Variants in PDE7B observed in about 807,000 individuals in gnomAD.
The protein encoded by PDE7B is 3',5'-cyclic-AMP phosphodiesterase 7B.
PDE7B carries 29 observed loss-of-function variants against 56.2 expected under a neutral mutation model. The ratio of observed to expected loss-of-function variants is 0.52; its 90% CI spans 0.38 to 0.70. The LOEUF (loss-of-function observed/expected upper bound fraction) is 0.70, where lower values mean the gene tolerates loss of function less well. Among genes scored for constraint, PDE7B ranks in the 30% least tolerant of loss-of-function variants. The pLI, the probability that PDE7B is intolerant of heterozygous loss-of-function variation, is 0.00. For synonymous variants in PDE7B, 197 were observed against 196.9 expected, an observed-to-expected ratio of 1.00 and a Z score of 0.00; for missense variants, 490 against 565.0, an observed-to-expected ratio of 0.87 and a Z score of 1.35.
intron 2 of PDE7B, among the ~76,000 whole-genome samples, chr6:136,005,100 G>A (rs1235813850): frequency 2.8e-4 from 42 of 152,192 alleles, no homozygotes; most frequent in African/African-American, 9.4e-4. Context: ...ACAAGCAATG[G>A]GTAAAGGATT....
rs1332230988 is a variant in PDE7B at position 136,195,416 on chromosome 6, C to T, written c.*3576C>T. ...TCATGCTTTGTTCTTTTAAACAAAT[C>T]CTTTAAACTGTGTCATTTTGTATAC... On this transcript the variant is annotated 3_prime_UTR_variant, in exon 13 of 13. Coordinates refer to ENST00000308191, the MANE Select transcript of PDE7B (RefSeq NM_018945.4). 2.1e-5 allele frequency: 3 copies of T among 140,552 alleles called. No homozygotes were observed. Among genetic ancestry groups the T allele is most frequent in the African/African-American group, 8.5e-5 (3 of 35,478 alleles). 8.7% of individuals were successfully genotyped at this position (140,552 alleles called of 1,614,324 possible).
Position 136,155,628 on chromosome 6 carries a change from T to C in PDE7B, c.581T>C (p.Leu194Pro). Residue 194 changes from leucine (L) to proline (P), a missense_variant and splice_region_variant, in exon 8 of 13, where the codon CTT becomes CCT. Physicochemically the swap from Leu to Pro is moderately conservative, Grantham distance 98. Coordinates refer to ENST00000308191, the MANE Select transcript of PDE7B (RefSeq NM_018945.4). ...AMHCYLKEPK[L>P]ASFLTPLDIM... ...TCTCCCAATTTGTTTTTTTAACAGC[T>C]TGCCAGCTTCCTCACGCCTCTGGAC... 6.2e-7 allele frequency: 1 copy of C among 1,602,094 alleles called. No homozygotes were observed. Among genetic ancestry groups the C allele is most frequent in the Non-Finnish European group, 8.5e-7 (1 of 1,173,296 alleles).
At chr6:136,036,204 G>A (rs571190848) in intron 2 of PDE7B, among the ~76,000 whole-genome samples, 1 of 152,332 alleles carries the variant, frequency 6.6e-6, no homozygotes, top group South Asian at 2.1e-4. Context: ...AGTGGTGGAA[G>A]TGTTGAACTG....
chr6:135,981,797 C>G (rs6925701), intron 2 of PDE7B, among the ~76,000 whole-genome samples: 1,615 of 151,032 alleles, frequency 0.011, 29 homozygotes, highest in African/African-American at 0.037. Context: ...GGAGTATACT[C>G]TAAAATAAAG....
chr6:136,009,001 T>C (rs2128206945), intron 2 of PDE7B, among the ~76,000 whole-genome samples: 1 of 151,386 alleles, frequency 6.6e-6, no homozygotes, highest in African/African-American at 2.4e-5. Flanking sequence ...CATCTTGAAT[T>C]AATTTTTATA....
intron 1 of PDE7B, among the ~76,000 whole-genome samples, chr6:135,935,831 G>A (rs923028479): frequency 1.3e-5 from 2 of 152,160 alleles, no homozygotes; most frequent in Admixed American, 6.5e-5. Context: ...TCCATTGATT[G>A]CCAGTAGAAT....
chr6:135,965,421 G>A (rs1478944438), intron 2 of PDE7B, among the ~76,000 whole-genome samples: 4 of 152,192 alleles, frequency 2.6e-5, no homozygotes, highest in Admixed American at 2.6e-4. Context: ...AAAGGAACAA[G>A]TGTGGCTAAA....
Position 135,941,266 on chromosome 6 carries a change from C to A in PDE7B, c.22-6198C>A, listed in dbSNP as rs201606033. On this transcript the variant is annotated intron_variant, in intron 1 of 12. Transcript: ENST00000308191. ...ACTTAGGTTTGATTTTTTTTTTCCC[C>A]AAAAAATGACTCTAGTCATATGTCA... Among the ~76,000 whole-genome samples, 95 of 151,670 alleles carry A rather than the reference C, an allele frequency of 6.3e-4. 1 individual carries two copies. Among genetic ancestry groups the A allele is most frequent in the African/African-American group, 1.8e-3 (76 of 41,410 alleles).
chr6:135,972,233 C>CAAAAAAAAAAAAAAAAAA (rs72005772), intron 2 of PDE7B, among the ~76,000 whole-genome samples: 1 of 65,168 alleles, frequency 1.5e-5, no homozygotes, highest in Non-Finnish European at 2.7e-5. Context: ...AAACTGTTCT[C>CAAAAAAAAAAAAAAAAAA]AAAAAAAAAA....
intron 2 of PDE7B, among the ~76,000 whole-genome samples, chr6:136,025,577 C>T (rs1262043109): frequency 5.3e-5 from 8 of 152,174 alleles, no homozygotes; most frequent in Non-Finnish European, 8.8e-5. Context: ...GGATATTACA[C>T]GGGAACCTAG....
chr6:136,075,298 T>G (rs1425066535), intron 2 of PDE7B, among the ~76,000 whole-genome samples: 6 of 152,202 alleles, frequency 3.9e-5, no homozygotes, highest in Admixed American at 3.9e-4. Context: ...AAATTATTAC[T>G]AATGTACTAA....
chr6:135,874,044 G>A (rs1165537137), intron 1 of PDE7B, among the ~76,000 whole-genome samples: 1 of 152,168 alleles, frequency 6.6e-6, no homozygotes, highest in Admixed American at 6.6e-5. Context: ...CAGAGAAAAT[G>A]CTAGGGAATG....
chr6:136,141,010 G>A (rs1778315333), intron 3 of PDE7B, among the ~76,000 whole-genome samples: 1 of 152,142 alleles, frequency 6.6e-6, no homozygotes, highest in African/African-American at 2.4e-5. Flanking sequence ...ATGTTGAATA[G>A]GAGTGGTGAG....
intron 2 of PDE7B, among the ~76,000 whole-genome samples, chr6:136,017,657 CT>C (rs1385794232): frequency 1.3e-5 from 2 of 152,022 alleles, no homozygotes; most frequent in Non-Finnish European, 2.9e-5. Context: ...ACCACGTAAA[CT>C]TTAAACTCTG....
intron 2 of PDE7B, among the ~76,000 whole-genome samples, chr6:136,046,643 G>A (rs1002735992): frequency 6.6e-6 from 1 of 152,148 alleles, no homozygotes; most frequent in African/African-American, 2.4e-5. Context: ...ATTCCCCAGG[G>A]TATCAGGAGT....
intron 1 of PDE7B, among the ~76,000 whole-genome samples, chr6:135,943,675 C>T (rs1191341680): frequency 1.3e-5 from 2 of 152,166 alleles, no homozygotes; most frequent in Non-Finnish European, 2.9e-5. Context: ...CAAGGCTTAG[C>T]CCATAATGTG....
rs949550032 is a variant in PDE7B at position 136,191,458 on chromosome 6, G to C, written c.1127-156G>C. 4.6e-6 allele frequency: 3 copies of C among 650,942 alleles called. No individual in the cohort carries two copies. In the Admixed American group the frequency reaches 7.6e-5, roughly 17 times the overall value. The allele number at this position is 650,942 out of a possible 1,614,324, so 40.3% of individuals were successfully genotyped here. ...GAGGCGGGCGGATCACTTGAGGTCG[G>C]GAGTTCAAGGCCAACCTGGCCAACA... is the stretch of plus-strand genomic sequence containing the variant. On this transcript the variant is annotated intron_variant, in intron 12 of 12. Coordinates refer to ENST00000308191, the MANE Select transcript of PDE7B (RefSeq NM_018945.4).
At chr6:135,936,015 G>A (rs6934614) in intron 1 of PDE7B, among the ~76,000 whole-genome samples, 2 of 152,148 alleles carry the variant, frequency 1.3e-5, no homozygotes, top group African/African-American at 2.4e-5. Flanking sequence ...GTGTTTGTTC[G>A]TTTGTGGCTC....
intron 2 of PDE7B, among the ~76,000 whole-genome samples, chr6:136,079,341 G>A (rs190920971): frequency 3.9e-5 from 6 of 152,142 alleles, no homozygotes; most frequent in Non-Finnish European, 7.3e-5. Flanking sequence ...CATTAAGACT[G>A]TACCTTCAAA....
Sources: allele counts gnomAD v4.1 joint callset (sites outside exome capture counted in the v4.1 genomes callset), GRCh38; gene constraint gnomAD v4.1.1; transcripts MANE v1.5; gene names NCBI Gene and HGNC (gene_info 2026-07-23, HGNC 2026-07-21).